Variants in SYNM observed in about 807,000 individuals in gnomAD.
SYNM encodes synemin.
Under a neutral mutation model 104.0 loss-of-function variants are expected in SYNM, and 95 were observed. The ratio of observed to expected loss-of-function variants is 0.91; its 90% confidence interval spans 0.77 to 1.08. SYNM has a LOEUF of 1.08. Ranked by LOEUF, SYNM falls within the 50% of genes least tolerant of loss-of-function variation. SYNM has a pLI of 0.00. For synonymous variants in SYNM, 918 were observed against 869.0 expected, an observed-to-expected ratio of 1.06 and a Z score of -0.99; for missense variants, 2,150 against 2,052.2, an observed-to-expected ratio of 1.05 and a Z score of -0.92.
intron 1 of SYNM, among the ~76,000 whole-genome samples, chr15:99,111,816 G>C (rs1431841851): frequency 6.6e-6 from 1 of 152,204 alleles, no homozygotes; most frequent in Non-Finnish European, 1.5e-5. Context: ...AGGCTGAGGC[G>C]GGAGGATCAC....
rs1555485721 is a variant in SYNM, at chr15:99,130,965, A to C, written c.2605A>C (p.Ile869Leu). The C allele has an allele frequency of 6.2e-7, 1 of 1,613,818 alleles. No homozygotes were observed. The highest frequency in any genetic ancestry group is 1.1e-5 in the South Asian group (1 of 91,056). ...STIRYSWQDE[I>L]VQGTRRRTQK... is the part of the protein sequence containing the mutation. ...CATCAGGTACTCTTGGCAGGATGAAATCGTGCAGGGGACTCGAAGGAGGAC... is the reference window on the plus strand; with the variant it reads ...CATCAGGTACTCTTGGCAGGATGAACTCGTGCAGGGGACTCGAAGGAGGAC... Residue 869 changes from isoleucine to leucine, a missense_variant, in exon 4 of 4, where the codon ATC (isoleucine) becomes CTC (leucine). By Grantham distance (5) the Ile-to-Leu change is conservative. Coordinates refer to ENST00000336292, the MANE Select transcript of SYNM (RefSeq NM_145728.3).
Position 99,126,907 on chromosome 15 carries a change from C to T in SYNM, c.1006+115C>T, listed in dbSNP as rs79269963. ...CGGGTTAGATATGGTGTTTAGATAA[C>T]AGGAGTTCATCTCTCATTTAAGTAC... On this transcript the variant is annotated intron_variant, in intron 3 of 3. Coordinates refer to ENST00000336292, the MANE Select transcript of SYNM (RefSeq NM_145728.3). The T allele has an allele frequency of 5.2e-3, 4,387 of 849,620 alleles. 149 individuals carry two copies. In the African/African-American group the frequency reaches 0.067, roughly 13 times the overall value. 52.6% of individuals were successfully genotyped at this position (849,620 alleles called of 1,614,324 possible).
chr15:99,127,006 C>T (rs2067454300), intron 3 of SYNM, among the ~76,000 whole-genome samples: 1 of 152,202 alleles, frequency 6.6e-6, no homozygotes, highest in South Asian at 2.1e-4. Flanking sequence ...GCTTGATAAA[C>T]TTGGTCCCTC....
At chr15:99,115,043 C>G (rs1312065110) in intron 2 of SYNM, among the ~76,000 whole-genome samples, 1 of 152,172 alleles carries the variant, frequency 6.6e-6, no homozygotes, top group Non-Finnish European at 1.5e-5. Context: ...CCACTCTCCC[C>G]TCTTAGAGGT....
Position 99,129,781 on chromosome 15 carries a change from A to T in SYNM, c.1421A>T (p.Asp474Val). The change falls in exon 4 of 4, where the codon GAT (aspartate) becomes GTT (valine). Residue 474 changes from aspartate to valine, a missense_variant. By Grantham distance (152) the Asp-to-Val change is radical. Transcript: ENST00000336292. ...DSTIARESYR[D>V]RRDKVAAGAS... ...ACAATTGCCCGCGAGTCGTACCGGGATCGCCGAGACAAGGTGGCAGCAGGT... is the reference window on the plus strand; with the variant it reads ...ACAATTGCCCGCGAGTCGTACCGGGTTCGCCGAGACAAGGTGGCAGCAGGT... The T allele has an allele frequency of 6.2e-7, 1 of 1,613,620 alleles. No homozygotes were observed. The highest frequency in any genetic ancestry group is 8.5e-7 in the Non-Finnish European group (1 of 1,179,776).
chr15:99,126,678 T>C, intron 2 of SYNM, 44 bp from the exon 3 acceptor site: 1 of 1,530,878 alleles, frequency 6.5e-7, no homozygotes, highest in South Asian at 1.2e-5. Context: ...CACTTCTTAC[T>C]CTTTCGTTTC....
intron 1 of SYNM, among the ~76,000 whole-genome samples, chr15:99,107,950 T>G (rs2067263975): frequency 6.8e-6 from 1 of 147,364 alleles, no homozygotes; most frequent in African/African-American, 2.6e-5. Flanking sequence ...TTTTTTGTTT[T>G]GTTTTTTTTT....
rs1261536523 is a variant in SYNM, at chr15:99,105,811, C to G, written c.612C>G (p.Asp204Glu). ...SWRETVQLYE[D>E]EVRELEEALR... ...GGGAGACGGTGCAGCTGTACGAGGA[C>G]GAGGTGCGCGAGCTGGAGGAGGCGC... is the stretch of plus-strand genomic sequence containing the variant. The change falls in exon 1 of 4, where the codon GAC (aspartate) becomes GAG (glutamate). Residue 204 changes from aspartate to glutamate, a missense_variant. By Grantham distance (45) the Asp-to-Glu change is conservative. Transcript: ENST00000336292. 12 of 1,541,624 alleles carry G rather than the reference C, an allele frequency of 7.8e-6. No individual in the cohort carries two copies. The Admixed American group carries it at 1.2e-4, about 15-fold the overall frequency.
chr15:99,107,835 C>G (rs1197461642), intron 1 of SYNM, among the ~76,000 whole-genome samples: 1 of 152,050 alleles, frequency 6.6e-6, no homozygotes, highest in Non-Finnish European at 1.5e-5. Context: ...GGACCCCACT[C>G]TCCGTTTGCC....
Position 99,130,656 on chromosome 15 carries a change from G to T in SYNM, c.2296G>T (p.Val766Phe). The change falls in exon 4 of 4, where the codon GTC (valine) becomes TTC (phenylalanine). Residue 766 changes from valine to phenylalanine, a missense_variant. Transcript: ENST00000336292. The part of the protein sequence containing the change: ...VSGEKPEEFS[V>F]PFKVEEVEDV... ...CGGGGAGAAGCCGGAGGAGTTTTCC[G>T]TCCCATTCAAAGTGGAGGAGGTCGA... 2.5e-6 allele frequency: 4 copies of T among 1,613,726 alleles called. No individual in the cohort carries two copies. Among genetic ancestry groups the T allele is most frequent in the Non-Finnish European group, 3.4e-6 (4 of 1,179,766 alleles).
chr15:99,138,836 G>A (rs1018112791), downstream of SYNM, among the ~76,000 whole-genome samples: 2 of 152,228 alleles, frequency 1.3e-5, no homozygotes, highest in East Asian at 3.9e-4. Context: ...AGGCAGCCCT[G>A]GGGCTGCTCT....
downstream of SYNM, chr15:99,138,007 G>T: frequency 6.2e-7 from 1 of 1,614,092 alleles, no homozygotes. Context: ...CAGGGTGGGG[G>T]CCTCAGTCTG....
At chr15:99,123,755 G>C (rs1002556833) in intron 2 of SYNM, among the ~76,000 whole-genome samples, 1 of 152,264 alleles carries the variant, frequency 6.6e-6, no homozygotes, top group Non-Finnish European at 1.5e-5. Flanking sequence ...GCAGGCTCCC[G>C]CACAGACACG....
At chr15:99,117,222 C>T (rs530283527) in intron 2 of SYNM, among the ~76,000 whole-genome samples, 2 of 152,314 alleles carry the variant, frequency 1.3e-5, no homozygotes, top group South Asian at 2.1e-4. Context: ...TGGTCTCTCT[C>T]TTCTGGACTC....
At chr15:99,117,923 G>C (rs1555484123) in intron 2 of SYNM, among the ~76,000 whole-genome samples, 1 of 152,222 alleles carries the variant, frequency 6.6e-6, no homozygotes, top group Non-Finnish European at 1.5e-5. Flanking sequence ...ATGGATTGAT[G>C]TGGCCATCTC....
At chr15:99,128,001 C>CTTCATTCATTCA (rs57585643) in intron 3 of SYNM, among the ~76,000 whole-genome samples, 6,643 of 151,124 alleles carry the variant, frequency 0.044, 160 homozygotes, top group South Asian at 0.054. Flanking sequence ...TGTTAACTTG[C>CTTCATTCATTCA]TTCATTCATT....
chr15:99,118,242 G>C (rs151192106), intron 2 of SYNM, among the ~76,000 whole-genome samples: 199 of 152,366 alleles, frequency 1.3e-3, no homozygotes, highest in Non-Finnish European at 2.5e-3. Context: ...ATGTCTGGAA[G>C]ACAAACCCTC....
chr15:99,109,366 C>T (rs2067279728), intron 1 of SYNM, among the ~76,000 whole-genome samples: 1 of 152,148 alleles, frequency 6.6e-6, no homozygotes, highest in African/African-American at 2.4e-5. Context: ...ACCAGCTTCA[C>T]CCTGCAAACA....
At position 99,105,622 on chromosome 15, in the gene SYNM, C is replaced by G; in HGVS notation, c.423C>G (p.Arg141=). 1 of 1,301,188 alleles carries G rather than the reference C, an allele frequency of 7.7e-7. No homozygotes were observed. Among genetic ancestry groups the G allele is most frequent in the East Asian group, 3.4e-5 (1 of 29,816 alleles). The allele number at this position is 1,301,188 out of a possible 1,614,324, so 80.6% of individuals were successfully genotyped here. Residue 141 remains arginine (R), a synonymous_variant, in exon 1 of 4, where the codon CGC becomes CGG. Coordinates refer to ENST00000336292, the MANE Select transcript of SYNM (RefSeq NM_145728.3). ...TGCTGGGCCGGCTGCAGGCCGAGCG[C>G]CGAGGCCTCGACGCGGCCCACGAAC... ...EALLGRLQAE[R]RGLDAAHERD... is the part of the protein sequence containing the mutation.
Sources: gnomAD v4.1 joint callset for allele counts (sites outside exome capture counted in the v4.1 genomes callset) on GRCh38, gnomAD v4.1.1 for gene constraint, MANE v1.5 for transcripts, NCBI Gene and HGNC (gene_info 2026-07-23, HGNC 2026-07-21) for gene names.